Variants in CMTM4 observed in about 807,000 individuals in gnomAD.
CMTM4 encodes CKLF-like MARVEL transmembrane domain-containing protein 4.
CMTM4 carries 8 observed loss-of-function variants against 19.0 expected under a neutral mutation model. The observed-to-expected ratio is 0.42, with a 90% CI of 0.25 to 0.76. The LOEUF is 0.76. CMTM4 is among the 30% of genes least tolerant of loss of function. CMTM4 has a pLI of 0.27. For synonymous variants in CMTM4, 106 were observed against 121.1 expected (o/e 0.88, Z 0.82); for missense variants, 228 against 290.2 (o/e 0.79, Z 1.56).
chr16:66,643,301 G>A (rs147056679), intron 1 of CMTM4, among the ~76,000 whole-genome samples: 8 of 152,166 alleles, frequency 5.3e-5, no homozygotes, highest in African/African-American at 1.9e-4. Context: ...CCGGTTCCAC[G>A]TGTGGTTAAG....
chr16:66,696,563 C>A lies in CMTM4; in HGVS notation c.-38G>T. 8.7e-6 allele frequency: 10 copies of A among 1,145,828 alleles called. No individual in the cohort carries two copies. The highest frequency in any genetic ancestry group is 1.1e-5 in the Non-Finnish European group (10 of 932,230). The allele number at this position is 1,145,828 out of a possible 1,614,324, so 71.0% of individuals were successfully genotyped here. On this transcript the variant is annotated 5_prime_UTR_variant, in exon 1 of 4. Transcript: ENST00000394106. The surrounding 1 kb of genome is among the most constrained non-coding windows in gnomAD (Gnocchi z 4.3). ...CCCGGGCCGCCTCGCGCGGCTGGCT[C>A]CCGGCGCCAGGAGCGGGCGGACTCA...
intron 1 of CMTM4, among the ~76,000 whole-genome samples, chr16:66,639,378 G>A (rs1009962397): frequency 6.6e-6 from 1 of 152,066 alleles, no homozygotes; most frequent in Admixed American, 6.6e-5. Context: ...ATGGCTTCAC[G>A]GATATGCAAA....
chr16:66,619,447 A>C lies in CMTM4; in HGVS notation c.*2611T>G. ...TCGTCCCACCAGAACACTGAGAAAA[A>C]CTAAGGTCGCTCAGCCTTCAAATGC... On this transcript the variant is annotated 3_prime_UTR_variant, in exon 4 of 4. Transcript: ENST00000394106. The C allele has an allele frequency of 1.4e-5, 14 of 985,444 alleles. No individual in the cohort carries two copies. Among genetic ancestry groups the C allele is most frequent in the Non-Finnish European group, 1.4e-5 (12 of 829,938 alleles). The allele number at this position is 985,444 out of a possible 1,614,324, so 61.0% of individuals were successfully genotyped here. A position where few individuals can be genotyped will look rare whatever the true frequency, so the allele number is the denominator to read the frequency against.
chr16:66,625,434 CAAA>C (rs565431475), intron 2 of CMTM4, among the ~76,000 whole-genome samples: 6 of 76,446 alleles, frequency 7.8e-5, no homozygotes, highest in Admixed American at 1.5e-4. Context: ...AACTCTGTCT[CAAA>C]AAAAAAAAAA....
At chr16:66,666,917 G>A (rs112831577) in intron 1 of CMTM4, among the ~76,000 whole-genome samples, 2,743 of 152,276 alleles carry the variant, frequency 0.018, 32 homozygotes, top group Admixed American at 0.027. Context: ...TGATTACTTG[G>A]AGGGAGGGAG....
At chr16:66,605,711 C>G in the CMTM4 span, 1 of 152,796 alleles carries the variant, frequency 6.5e-6, no homozygotes, top group Middle Eastern at 3.4e-3. The surrounding 1 kb of genome is among the most constrained non-coding windows in gnomAD (Gnocchi z 4.6). Flanking sequence ...CTTGTCCCCA[C>G]TTTACAGATG....
At position 66,636,495 on chromosome 16, in the gene CMTM4, G is replaced by A. The variant is rs1164551075; in HGVS notation, c.273C>T (p.Ser91=). Residue 91 remains serine (S), a synonymous_variant, in exon 2 of 4, where the codon AGC becomes AGT. Transcript: ENST00000394106. ...CGCCAGTCACCACAAACGCACTGCA[G>A]CTCACAAACTCAAAAAAGTAGAGGC... ...CEGLYFFEFV[S]CSAFVVTGVL... The A allele has an allele frequency of 6.2e-7, 1 of 1,614,030 alleles. No homozygotes were observed. Among genetic ancestry groups the A allele is most frequent in the East Asian group, 2.2e-5 (1 of 44,900 alleles).
intron 1 of CMTM4, among the ~76,000 whole-genome samples, chr16:66,672,693 T>C (rs1337278755): frequency 6.6e-6 from 1 of 151,996 alleles, no homozygotes; most frequent in Non-Finnish European, 1.5e-5. Context: ...CACTACAACC[T>C]CAGCCTCCCC....
At chr16:66,664,732 C>T (rs2016561253) in intron 1 of CMTM4, among the ~76,000 whole-genome samples, 1 of 151,152 alleles carries the variant, frequency 6.6e-6, no homozygotes, top group Non-Finnish European at 1.5e-5. Flanking sequence ...TATTCAAAGA[C>T]TCCAAAAGAA....
intron 1 of CMTM4, among the ~76,000 whole-genome samples, chr16:66,642,069 CA>C (rs2016105994): frequency 6.6e-6 from 1 of 152,114 alleles, no homozygotes; most frequent in Non-Finnish European, 1.5e-5. Context: ...CTGTTACAAG[CA>C]AAACATTTTT....
chr16:66,684,995 T>C (rs1369406323), intron 1 of CMTM4, among the ~76,000 whole-genome samples: 1 of 152,198 alleles, frequency 6.6e-6, no homozygotes, highest in East Asian at 1.9e-4. Context: ...ACTTCTCTTG[T>C]ACACACAGCC....
At chr16:66,672,534 TAA>T (rs906735445) in intron 1 of CMTM4, among the ~76,000 whole-genome samples, 14 of 151,372 alleles carry the variant, frequency 9.2e-5, no homozygotes, top group African/African-American at 2.4e-4. Context: ...ATGTAATATA[TAA>T]GTTAGTAACA....
At chr16:66,671,259 A>G (rs1163755950) in intron 1 of CMTM4, among the ~76,000 whole-genome samples, 1 of 152,168 alleles carries the variant, frequency 6.6e-6, no homozygotes, top group Non-Finnish European at 1.5e-5. Context: ...CTTCTCAAAG[A>G]GAAGGGCTAA....
chr16:66,674,200 C>T (rs191870657), intron 1 of CMTM4, among the ~76,000 whole-genome samples: 104 of 152,324 alleles, frequency 6.8e-4, no homozygotes, highest in African/African-American at 2.4e-3. Context: ...ACAGGCTGCA[C>T]TTGACCAGAT....
chr16:66,599,717 G>A, the CMTM4 span, among the ~76,000 whole-genome samples: 1 of 152,302 alleles, frequency 6.6e-6, no homozygotes, highest in South Asian at 2.1e-4. Context: ...CTAAAGAAAT[G>A]AGGGAATTTA....
chr16:66,607,228 G>C, the CMTM4 span, among the ~76,000 whole-genome samples: 1 of 152,358 alleles, frequency 6.6e-6, no homozygotes, highest in East Asian at 1.9e-4. Context: ...CTGGGCTGCA[G>C]GACTGCCCAG....
At chr16:66,633,078 T>A (rs1165457556) in intron 2 of CMTM4, among the ~76,000 whole-genome samples, 1 of 142,822 alleles carries the variant, frequency 7.0e-6, no homozygotes, top group African/African-American at 2.7e-5. Context: ...AGAGCGAAAC[T>A]CCGTTTCAAA....
At chr16:66,646,313 T>C (rs539228150) in intron 1 of CMTM4, among the ~76,000 whole-genome samples, 21 of 152,218 alleles carry the variant, frequency 1.4e-4, no homozygotes, top group Non-Finnish European at 2.8e-4. Context: ...CCTTTTTTAA[T>C]TAACACTCCT....
chr16:66,631,288 C>T (rs1391431690), intron 2 of CMTM4, among the ~76,000 whole-genome samples: 1 of 150,838 alleles, frequency 6.6e-6, no homozygotes, highest in African/African-American at 2.4e-5. Context: ...CCCGGCCAGC[C>T]GCCCGGTCCG....
Sources: gnomAD v4.1 joint callset for allele counts (sites outside exome capture counted in the v4.1 genomes callset) on GRCh38, gnomAD v4.1.1 for gene constraint, Gnocchi (gnomAD v3.1) non-coding constraint, MANE v1.5 for transcripts, NCBI Gene and HGNC (gene_info 2026-07-23, HGNC 2026-07-21) for gene names.